Variants in OOSP3 observed in about 807,000 individuals in gnomAD.
OOSP3 encodes the protein oocyte secreted protein family member 3.
intron 3 of OOSP3, 138 bp downstream of exon 3, chr11:59,894,314 G>T (rs1853337766): frequency 5.1e-6 from 2 of 392,962 alleles, no homozygotes; most frequent in Non-Finnish European, 9.0e-6. Context: ...GCAATGATGA[G>T]GTATTTATCA....
At chr11:59,886,478 C>T (rs1853260625) in intron 2 of OOSP3, among the ~76,000 whole-genome samples, 2 of 152,076 alleles carry the variant, frequency 1.3e-5, no homozygotes, top group East Asian at 3.9e-4. Flanking sequence ...GAGTATATAC[C>T]CAGTAATGGG....
chr11:59,893,515 G>A (rs1013275871), intron 2 of OOSP3, among the ~76,000 whole-genome samples: 3 of 152,068 alleles, frequency 2.0e-5, no homozygotes, highest in African/African-American at 4.8e-5. Flanking sequence ...CACTCAACCC[G>A]GTTGATTGTT....
chr11:59,882,259 T>C (rs1336600129), intron 2 of OOSP3, among the ~76,000 whole-genome samples: 4 of 133,152 alleles, frequency 3.0e-5, no homozygotes, highest in African/African-American at 1.3e-4. Flanking sequence ...AGGTTTCTTT[T>C]GAAGATTTTT....
intron 2 of OOSP3, among the ~76,000 whole-genome samples, chr11:59,891,607 A>G (rs992713513): frequency 6.6e-6 from 1 of 152,204 alleles, no homozygotes; most frequent in Non-Finnish European, 1.5e-5. Context: ...GCAGAACAGC[A>G]AAGATTGCTG....
At chr11:59,879,527 A>G (rs890745869) in intron 1 of OOSP3, among the ~76,000 whole-genome samples, 2 of 151,992 alleles carry the variant, frequency 1.3e-5, no homozygotes, top group African/African-American at 4.8e-5. Flanking sequence ...TTTTTAAACC[A>G]TGAAAATACA....
chr11:59,884,471 GTCTGTCTCTC>G (rs767904426), intron 2 of OOSP3, among the ~76,000 whole-genome samples: 351 of 100,068 alleles, frequency 3.5e-3, no homozygotes, highest in African/African-American at 5.9e-3. Flanking sequence ...CTGTCTGTCT[GTCTGTCTCTC>G]TCTCTCTCTC....
intron 2 of OOSP3, among the ~76,000 whole-genome samples, chr11:59,882,509 C>G (rs948555121): frequency 6.6e-6 from 1 of 152,026 alleles, no homozygotes; most frequent in South Asian, 2.1e-4. Flanking sequence ...GAATCTCTAC[C>G]TTGGTGGCTT....
chr11:59,885,975 T>A (rs1853253611), intron 2 of OOSP3, among the ~76,000 whole-genome samples: 1 of 152,304 alleles, frequency 6.6e-6, no homozygotes, highest in Non-Finnish European at 1.5e-5. Context: ...GGTGGTTTGC[T>A]GCAACTATCA....
At chr11:59,885,298 G>A (rs904840273) in intron 2 of OOSP3, among the ~76,000 whole-genome samples, 4 of 151,888 alleles carry the variant, frequency 2.6e-5, no homozygotes, top group African/African-American at 7.3e-5. Flanking sequence ...TTGGGGGGGC[G>A]CGTGGTTAGA....
exon 5 of OOSP3, chr11:59,896,338 G>C (rs947450509): frequency 2.5e-5 from 10 of 394,528 alleles, no homozygotes; most frequent in Non-Finnish European, 4.0e-5. Flanking sequence ...GGTTGGGATA[G>C]AGCCCAGTGC....
chr11:59,896,278 A>G (rs1853357074), exon 5 of OOSP3: 3 of 397,406 alleles, frequency 7.5e-6, no homozygotes. Context: ...TTTTTGAACC[A>G]CTCACTACAG....
intron 2 of OOSP3, among the ~76,000 whole-genome samples, chr11:59,892,159 G>A (rs1307462133): frequency 2.6e-5 from 4 of 152,214 alleles, no homozygotes; most frequent in African/African-American, 9.6e-5. Flanking sequence ...GGCCCTGGTG[G>A]TGTGGGCTCA....
At chr11:59,884,744 T>C (rs1042444064) in intron 2 of OOSP3, among the ~76,000 whole-genome samples, 1 of 152,194 alleles carries the variant, frequency 6.6e-6, no homozygotes, top group Non-Finnish European at 1.5e-5. Flanking sequence ...CCTCAAGTGA[T>C]CTGCCCACCT....
chr11:59,894,838 C>T (rs544094730), intron 3 of OOSP3, among the ~76,000 whole-genome samples: 10 of 152,184 alleles, frequency 6.6e-5, no homozygotes, highest in African/African-American at 2.2e-4. Context: ...TAACTGCCAC[C>T]CCGCAGATCA....
chr11:59,887,949 C>A (rs1335392526), intron 2 of OOSP3, among the ~76,000 whole-genome samples: 1 of 152,004 alleles, frequency 6.6e-6, no homozygotes, highest in African/African-American at 2.4e-5. Flanking sequence ...ATGTTTTTTT[C>A]ATCTGTTTGT....
At chr11:59,886,256 G>C (rs1293760639) in intron 2 of OOSP3, among the ~76,000 whole-genome samples, 2 of 152,070 alleles carry the variant, frequency 1.3e-5, no homozygotes, top group Admixed American at 6.6e-5. Context: ...AGTATTCCAT[G>C]GTATGTATGT....
At chr11:59,883,147 G>GT (rs2057426251) in intron 2 of OOSP3, among the ~76,000 whole-genome samples, 1 of 152,074 alleles carries the variant, frequency 6.6e-6, no homozygotes, top group Non-Finnish European at 1.5e-5. Flanking sequence ...TCTAAAGATG[G>GT]TGAGTCTTTG....
At chr11:59,892,118 G>A (rs1197106792) in intron 2 of OOSP3, among the ~76,000 whole-genome samples, 1 of 152,218 alleles carries the variant, frequency 6.6e-6, no homozygotes, top group South Asian at 2.1e-4. Context: ...CAGCTGTCAT[G>A]AGTCTGCAAA....
intron 2 of OOSP3, among the ~76,000 whole-genome samples, chr11:59,892,896 A>C (rs958072446): frequency 6.6e-6 from 1 of 152,176 alleles, no homozygotes; most frequent in Non-Finnish European, 1.5e-5. Context: ...TCTTGAATAA[A>C]TGCTCCTTGA....
Sources: gnomAD v4.1 joint callset for allele counts (sites outside exome capture counted in the v4.1 genomes callset) on GRCh38, gnomAD v4.1.1 for gene constraint, MANE v1.5 for transcripts, NCBI Gene and HGNC (gene_info 2026-07-23, HGNC 2026-07-21) for gene names.